Variants in RERE observed in about 807,000 individuals in gnomAD.
The protein encoded by RERE is arginine-glutamic acid dipeptide repeats protein.
Under a neutral mutation model 146.1 loss-of-function variants are expected in RERE, and 40 were observed. The observed-to-expected ratio is 0.27, with a 90% CI of 0.21 to 0.36. The LOEUF is 0.36. Among genes scored for constraint, RERE ranks in the 10% least tolerant of loss-of-function variants. RERE has a pLI of 1.00. For synonymous variants in RERE, 1,003 were observed against 866.0 expected (o/e 1.16, Z -2.78); for missense variants, 1,933 against 2,138.7 (o/e 0.90, Z 1.90).
In RERE at chr1:8,352,948, T is replaced by A. The variant is rs1641153313; in HGVS notation, c.*2139A>T. 6.6e-6 allele frequency: 1 copy of A among 152,348 alleles called. No individual in the cohort carries two copies. Among genetic ancestry groups the A allele is most frequent in the South Asian group, 2.1e-4 (1 of 4,816 alleles). The allele number at this position is 152,348 out of a possible 1,614,324, so 9.4% of individuals were successfully genotyped here. On this transcript the variant is annotated 3_prime_UTR_variant, in exon 23 of 23. Transcript: ENST00000400908. ...ATGCCAAAGGAGGAGATAAAGAAGG[T>A]TTAACTGAATGGTAGATGTTGTGTT...
At chr1:8,759,520 C>T (rs1466262973) in intron 1 of RERE, among the ~76,000 whole-genome samples, 3 of 152,148 alleles carry the variant, frequency 2.0e-5, no homozygotes, top group Admixed American at 6.6e-5. Flanking sequence ...CCAAAGTAGA[C>T]GCTTCCCAAA....
intron 11 of RERE, among the ~76,000 whole-genome samples, chr1:8,462,136 A>G (rs772071413): frequency 6.6e-6 from 1 of 152,240 alleles, no homozygotes; most frequent in Non-Finnish European, 1.5e-5. Context: ...GTGCTGATTC[A>G]TAACTATTAA....
intron 1 of RERE, among the ~76,000 whole-genome samples, chr1:8,730,941 A>C (rs1309083625): frequency 1.3e-5 from 2 of 152,152 alleles, no homozygotes; most frequent in African/African-American, 4.8e-5. Context: ...TCCCATCCTC[A>C]CAGCAAGAAA....
In RERE at chr1:8,499,118, T is replaced by A. The variant is rs150671626; in HGVS notation, c.880-1589A>T. ...ATGACCACCATAACCAGCAGAGACC[T>A]GTGAAAAGTCAGATATTTGCAAGAT... On this transcript the variant is annotated intron_variant, in intron 8 of 22. Transcript: ENST00000400908. Among the ~76,000 whole-genome samples the A allele has an allele frequency of 1.6e-3, 237 of 152,134 alleles. 3 individuals carry two copies. Among genetic ancestry groups the A allele is most frequent in the East Asian group, 0.015 (80 of 5,162 alleles).
intron 1 of RERE, among the ~76,000 whole-genome samples, chr1:8,658,131 C>T (rs539966694): frequency 7.9e-5 from 12 of 152,218 alleles, no homozygotes; most frequent in African/African-American, 2.6e-4. Flanking sequence ...TTGGAATAGA[C>T]CTAACAATAA....
intron 8 of RERE, 110 bp downstream of exon 8, chr1:8,508,517 A>G: frequency 2.4e-6 from 2 of 828,472 alleles, no homozygotes; most frequent in Non-Finnish European, 4.0e-6. Flanking sequence ...ATTTATAAAA[A>G]ATTCCCGATA....
At chr1:8,509,293 A>G (rs1645297950) in intron 7 of RERE, among the ~76,000 whole-genome samples, 1 of 152,070 alleles carries the variant, frequency 6.6e-6, no homozygotes, top group Admixed American at 6.6e-5. Flanking sequence ...ACATTCCTGT[A>G]GTACAATTCC....
intron 4 of RERE, among the ~76,000 whole-genome samples, chr1:8,588,751 C>G (rs1167900963): frequency 6.6e-6 from 1 of 152,208 alleles, no homozygotes; most frequent in Non-Finnish European, 1.5e-5. Context: ...GAGCCCAGAG[C>G]TTCTCTCACA....
intron 7 of RERE, among the ~76,000 whole-genome samples, chr1:8,509,832 G>A (rs1645309754): frequency 6.6e-6 from 1 of 152,176 alleles, no homozygotes; most frequent in Non-Finnish European, 1.5e-5. Flanking sequence ...AAAGAAGATG[G>A]CCTAAAAGGA....
chr1:8,705,292 G>A (rs141847499), intron 1 of RERE, among the ~76,000 whole-genome samples: 2 of 152,228 alleles, frequency 1.3e-5, no homozygotes, highest in East Asian at 3.9e-4. Context: ...TGCACCTGCT[G>A]CTAATCCAAC....
At chr1:8,480,133 T>TGG (rs1557650801) in intron 10 of RERE, among the ~76,000 whole-genome samples, 2 of 115,862 alleles carry the variant, frequency 1.7e-5, no homozygotes, top group African/African-American at 7.9e-5. Context: ...TTTTTGTTTT[T>TGG]TTTTTTTTTG....
At chr1:8,621,585 T>G (rs59561118) in intron 3 of RERE, among the ~76,000 whole-genome samples, 4,384 of 152,300 alleles carry the variant, frequency 0.029, 201 homozygotes, top group African/African-American at 0.1. Flanking sequence ...GTATAAACAA[T>G]GAAACACATC....
intron 11 of RERE, among the ~76,000 whole-genome samples, chr1:8,432,279 A>G (rs1644106237): frequency 6.6e-6 from 1 of 151,722 alleles, no homozygotes; most frequent in African/African-American, 2.4e-5. Flanking sequence ...CTGGGTTTTT[A>G]CCAATGCCTT....
At chr1:8,469,196 A>G (rs2124138812) in intron 10 of RERE, among the ~76,000 whole-genome samples, 1 of 152,340 alleles carries the variant, frequency 6.6e-6, no homozygotes, top group South Asian at 2.1e-4. Flanking sequence ...CAGATTACAG[A>G]GTAGTCTTCT....
At chr1:8,682,157 G>A (rs1487955262) in intron 1 of RERE, among the ~76,000 whole-genome samples, 3 of 152,074 alleles carry the variant, frequency 2.0e-5, no homozygotes, top group East Asian at 1.9e-4. Flanking sequence ...AAGCTCTGTC[G>A]TATCATGAGA....
At chr1:8,760,439 AAGAGTCCTG>A (rs1211261872) in intron 1 of RERE, among the ~76,000 whole-genome samples, 3 of 152,242 alleles carry the variant, frequency 2.0e-5, no homozygotes, top group African/African-American at 7.2e-5. Flanking sequence ...AATTAAAAGA[AAGAGTCCTG>A]GGTCAGTAGT....
At chr1:8,516,508 G>A (rs1645421372) in intron 7 of RERE, among the ~76,000 whole-genome samples, 2 of 152,030 alleles carry the variant, frequency 1.3e-5, no homozygotes, top group Non-Finnish European at 2.9e-5. Context: ...TAATCTTACA[G>A]GCGACCCTGT....
chr1:8,643,419 C>G (rs1022715199), intron 2 of RERE, among the ~76,000 whole-genome samples: 4 of 152,134 alleles, frequency 2.6e-5, no homozygotes, highest in African/African-American at 9.7e-5. Flanking sequence ...GTAGATATTT[C>G]TGCTATAACA....
intron 10 of RERE, among the ~76,000 whole-genome samples, chr1:8,485,252 T>C (rs1220713367): frequency 6.6e-6 from 1 of 152,010 alleles, no homozygotes; most frequent in Non-Finnish European, 1.5e-5. Context: ...TCCTAGCTAC[T>C]TGGGAGGCTG....
Sources: gnomAD v4.1 joint callset for allele counts (sites outside exome capture counted in the v4.1 genomes callset) on GRCh38, gnomAD v4.1.1 for gene constraint, MANE v1.5 for transcripts, NCBI Gene and HGNC (gene_info 2026-07-23, HGNC 2026-07-21) for gene names.